Variants in DDX60L observed in about 807,000 individuals in gnomAD.
DDX60L encodes the protein DExD/H-box 60 like, also known as probable ATP-dependent RNA helicase DDX60-like.
A neutral mutation model predicts 211.6 loss-of-function variants in DDX60L; 191 were observed. The observed-to-expected ratio is 0.90, with a 90% CI of 0.80 to 1.02. The LOEUF is 1.02. Ranked by LOEUF, DDX60L falls within the 50% of genes least tolerant of loss-of-function variation. DDX60L has a pLI of 0.00. For missense variants in DDX60L, 2,007 were observed against 1,984.1 expected (o/e 1.01, Z -0.22); for synonymous variants, 706 against 694.1 (o/e 1.02, Z -0.27).
chr4:168,400,793 G>T, intron 26 of DDX60L, 33 bp downstream of exon 26: 1 of 1,563,500 alleles, frequency 6.4e-7, no homozygotes, highest in Non-Finnish European at 8.7e-7. Context: ...AGTCTTCAGG[G>T]GCCAATTTGT....
At chr4:168,408,451 TCTC>T (rs1218233907) in intron 22 of DDX60L, among the ~76,000 whole-genome samples, 11 of 152,156 alleles carry the variant, frequency 7.2e-5, no homozygotes, top group African/African-American at 2.4e-4. Flanking sequence ...ATTCAATTGT[TCTC>T]CTCTGCACAA....
At chr4:168,391,066 T>C (rs766001027) in intron 29 of DDX60L, among the ~76,000 whole-genome samples, 3 of 152,152 alleles carry the variant, frequency 2.0e-5, no homozygotes, top group Middle Eastern at 3.4e-3. Context: ...AATACTAAAC[T>C]TCAAGTAAGG....
At chr4:168,397,199 T>C (rs754703221) in intron 26 of DDX60L, among the ~76,000 whole-genome samples, 8 of 152,326 alleles carry the variant, frequency 5.3e-5, no homozygotes, top group Non-Finnish European at 1.2e-4. Flanking sequence ...AGAAGCCACT[T>C]AGTCTATGGT....
intron 17 of DDX60L, 112 bp from the exon 18 acceptor site, chr4:168,420,492 A>C: frequency 1.5e-6 from 1 of 651,764 alleles, no homozygotes. Context: ...ACACACACAC[A>C]CACACACACA....
chr4:168,411,794 C>A (rs1748721912), intron 22 of DDX60L, among the ~76,000 whole-genome samples: 2 of 152,026 alleles, frequency 1.3e-5, no homozygotes, highest in African/African-American at 4.8e-5. Context: ...CATCCCTCCC[C>A]CAACCCTAAG....
In DDX60L at chr4:168,396,126, T is replaced by C. The variant is rs758909633; in HGVS notation, c.3492-2A>G. On this transcript the variant is annotated splice_acceptor_variant, in intron 26 of 37. Coordinates refer to ENST00000682922, the MANE Select transcript of DDX60L (RefSeq NM_001012967.3). LOFTEE classifies it high-confidence loss of function. ...GCCTTCTTTGGGTTTTTTTTAGTGCTACTATTTAAAAAAAAAAAAAAACTT... is the reference window on the plus strand; with the variant it reads ...GCCTTCTTTGGGTTTTTTTTAGTGCCACTATTTAAAAAAAAAAAAAAACTT... 4.6e-6 allele frequency: 6 copies of C among 1,305,522 alleles called. No individual in the cohort carries two copies. Among genetic ancestry groups the C allele is most frequent in the South Asian group, 1.4e-5 (1 of 69,386 alleles). 80.9% of individuals were successfully genotyped at this position (1,305,522 alleles called of 1,614,324 possible).
intron 28 of DDX60L, among the ~76,000 whole-genome samples, chr4:168,393,489 C>G (rs1579341743): frequency 1.3e-5 from 2 of 152,052 alleles, no homozygotes; most frequent in Admixed American, 6.6e-5. Context: ...GAGCAAGACA[C>G]CGTCTCACAA....
intron 14 of DDX60L, 30 bp downstream of exon 14, chr4:168,427,040 T>C (rs1751565892): frequency 6.4e-7 from 1 of 1,566,158 alleles, no homozygotes; most frequent in Non-Finnish European, 8.7e-7. Context: ...TCATCACTAC[T>C]CTTTATCCAT....
intron 26 of DDX60L, among the ~76,000 whole-genome samples, chr4:168,400,377 C>T (rs979630014): frequency 6.6e-5 from 10 of 152,066 alleles, no homozygotes; most frequent in East Asian, 1.9e-4. Context: ...TTTGGGTAGA[C>T]GCCCAGCAAT....
At chr4:168,463,110 G>A (rs181810106) in intron 4 of DDX60L, among the ~76,000 whole-genome samples, 41 of 152,214 alleles carry the variant, frequency 2.7e-4, no homozygotes, top group Non-Finnish European at 5.0e-4. Flanking sequence ...TCTACCATTC[G>A]ACCCAGCAAT....
At chr4:168,386,575 GA>G (rs55835081) in intron 29 of DDX60L, among the ~76,000 whole-genome samples, 20 of 142,672 alleles carry the variant, frequency 1.4e-4, no homozygotes, top group African/African-American at 2.1e-4. Flanking sequence ...ATATGATGTT[GA>G]AAAAAAAAAA....
chr4:168,474,032 A>T (rs1759161199), intron 1 of DDX60L, among the ~76,000 whole-genome samples: 1 of 152,202 alleles, frequency 6.6e-6, no homozygotes, highest in East Asian at 1.9e-4. Flanking sequence ...CAGGCGCTGC[A>T]CTTGGGGGTG....
intron 9 of DDX60L, among the ~76,000 whole-genome samples, 174 bp downstream of exon 9, chr4:168,448,464 T>C (rs1190106620): frequency 2.0e-5 from 3 of 152,152 alleles, no homozygotes; most frequent in African/African-American, 7.2e-5. Context: ...TATCATAGCA[T>C]TATACTCATT....
At chr4:168,370,585 G>A (rs1740831283) in intron 36 of DDX60L, among the ~76,000 whole-genome samples, 1 of 152,078 alleles carries the variant, frequency 6.6e-6, no homozygotes, top group Non-Finnish European at 1.5e-5. Context: ...GAGAGGTTTT[G>A]AACATTCTCA....
intron 29 of DDX60L, chr4:168,390,612 TTC>T: frequency 1.2e-6 from 1 of 805,744 alleles, no homozygotes. Flanking sequence ...TCTTTTATAT[TTC>T]GAGACTAGGC....
At chr4:168,386,904 T>C (rs532055102) in intron 29 of DDX60L, among the ~76,000 whole-genome samples, 1 of 152,262 alleles carries the variant, frequency 6.6e-6, no homozygotes, top group Non-Finnish European at 1.5e-5. Context: ...ATATTTTAGA[T>C]AGAGAGCAAA....
intron 10 of DDX60L, among the ~76,000 whole-genome samples, chr4:168,440,045 T>A (rs1266931303): frequency 6.6e-6 from 1 of 152,062 alleles, no homozygotes; most frequent in Non-Finnish European, 1.5e-5. Context: ...CACGCACCCA[T>A]CAGAATGGCC....
At position 168,415,727 on chromosome 4, in the gene DDX60L, T is replaced by G; in HGVS notation, c.2799A>C (p.Lys933Asn). The G allele has an allele frequency of 6.2e-7, 1 of 1,601,146 alleles. No homozygotes were observed. The highest frequency in any genetic ancestry group is 8.5e-7 in the Non-Finnish European group (1 of 1,172,780). ...KIMEEKCISE[K>N]QADKCLNFLQ... ...GAAAGTTGAGACATTTGTCAGCCTG[T>G]TTTTCAGAAATACATTTCTCTTCCA... Residue 933 changes from lysine (K) to asparagine (N), a missense_variant, in exon 21 of 38, where the codon AAA (lysine) becomes AAC (asparagine). Transcript: ENST00000682922.
At chr4:168,378,834 C>T (rs1462529417) in intron 32 of DDX60L, among the ~76,000 whole-genome samples, 1 of 152,128 alleles carries the variant, frequency 6.6e-6, no homozygotes, top group Non-Finnish European at 1.5e-5. Flanking sequence ...ACTCAAAAAC[C>T]TTTGAGGGTA....
Sources: gnomAD v4.1 joint callset for allele counts (sites outside exome capture counted in the v4.1 genomes callset) on GRCh38, gnomAD v4.1.1 for gene constraint, MANE v1.5 for transcripts, NCBI Gene and HGNC (gene_info 2026-07-23, HGNC 2026-07-21) for gene names.